The following CUL9 variants were observed in gnomAD, a reference collection of about 807,000 sequenced individuals.
The protein encoded by CUL9 is cullin 9, also known as cullin-9.
Under a neutral mutation model 272.6 loss-of-function variants are expected in CUL9, and 79 were observed. The observed-to-expected ratio is 0.29, with a 90% CI of 0.24 to 0.35. The LOEUF (loss-of-function observed/expected upper bound fraction) is 0.35, where lower values mean the gene tolerates loss of function less well. CUL9 is among the 10% of genes least tolerant of loss of function. The pLI is 1.00. For missense variants in CUL9, 2,532 were observed against 3,255.6 expected, an observed-to-expected ratio of 0.78 and a Z score of 5.41; for synonymous variants, 1,186 against 1,286.5, an observed-to-expected ratio of 0.92 and a Z score of 1.67.
chr6:43,184,988 T>A lies in CUL9; in HGVS notation c.595+83T>A. On this transcript the variant is annotated intron_variant, in intron 2 of 40. Transcript: ENST00000252050. This position sits in a 1 kb window ranked among gnomAD's most constrained non-coding sequence, Gnocchi z 4.8. ...AGAAAGAGGAGAGATTTCCTAGCTCTGTAAGAACACCTAGTATTTGGTGAA... is the reference window on the plus strand; with the variant it reads ...AGAAAGAGGAGAGATTTCCTAGCTCAGTAAGAACACCTAGTATTTGGTGAA... The A allele has an allele frequency of 9.7e-7, 1 of 1,028,552 alleles. No individual in the cohort carries two copies. The highest frequency in any genetic ancestry group is 1.4e-6 in the Non-Finnish European group (1 of 720,700). The allele number at this position is 1,028,552 out of a possible 1,614,324, so 63.7% of individuals were successfully genotyped here. A position where few individuals can be genotyped will look rare whatever the true frequency, so the allele number is the denominator to read the frequency against.
At chr6:43,196,534 G>T (rs1774009526) in intron 10 of CUL9, 111 bp from the exon 11 acceptor site, 2 of 1,009,246 alleles carry the variant, frequency 2.0e-6, no homozygotes, top group African/African-American at 1.6e-5. Context: ...TGGCTCAGAG[G>T]GCCCACTGGA....
At chr6:43,222,150 T>C in intron 35 of CUL9, 166 bp from the exon 36 acceptor site, 1 of 659,248 alleles carries the variant, frequency 1.5e-6, no homozygotes, top group Admixed American at 2.6e-5. Context: ...CAACAGCCTC[T>C]GCAAAAGGGG....
intron 31 of CUL9, among the ~76,000 whole-genome samples, chr6:43,219,167 T>C (rs1442186168): frequency 6.6e-6 from 1 of 151,546 alleles, no homozygotes; most frequent in Non-Finnish European, 1.5e-5. Context: ...CCAGTGTGGG[T>C]GACAAAGCGA....
chr6:43,205,094 G>A lies in CUL9; in HGVS notation c.4611G>A (p.Gln1537=). The change falls in exon 23 of 41, where the codon CAG becomes CAA. Residue 1537 remains glutamine (Q), a synonymous_variant. Coordinates refer to ENST00000252050, the MANE Select transcript of CUL9 (RefSeq NM_015089.4). ...RSGFSGALLQ[Q]SFLTAAHMSE... ...GCTTCTCTGGCGCCTTGCTGCAGCAGTCCTTCCTCACTGCTGCTCACGTGA... is the reference window on the plus strand; with the variant it reads ...GCTTCTCTGGCGCCTTGCTGCAGCAATCCTTCCTCACTGCTGCTCACGTGA... The A allele has an allele frequency of 6.3e-7, 1 of 1,596,396 alleles. No individual in the cohort carries two copies. Among genetic ancestry groups the A allele is most frequent in the South Asian group, 1.1e-5 (1 of 89,144 alleles).
chr6:43,187,619 G>C (rs1308846302), intron 6 of CUL9, 94 bp from the exon 7 acceptor site: 4 of 1,421,060 alleles, frequency 2.8e-6, no homozygotes, highest in Non-Finnish European at 3.9e-6. Flanking sequence ...TAGAAGGTGT[G>C]GGGGCATGGT....
rs1001487953 is a variant in CUL9 at position 43,223,408 on chromosome 6, G to A, written c.7284+11G>A. On this transcript the variant is annotated intron_variant, in intron 39 of 40. Transcript: ENST00000252050. This position sits in a 1 kb window ranked among gnomAD's most constrained non-coding sequence, Gnocchi z 4.1. ...CAGCATTCTGCCCAGGTACTGCCCG[G>A]CCCAGACCCCTTCTGCTCCTGCATT... 7 of 1,585,242 alleles carry A rather than the reference G, an allele frequency of 4.4e-6. No homozygotes were observed. Among genetic ancestry groups the A allele is most frequent in the African/African-American group, 1.3e-5 (1 of 74,620 alleles).
chr6:43,187,866 C>G lies in CUL9; in HGVS notation c.1735C>G (p.Pro579Ala). ...CAAGTATGGGCTGCTGTCTAATGAA[C>G]CAAGCAGCTCGTCTACTTCACGAAA... ...YTKYGLLSNE[P>A]SSSSTSRNHS... is the part of the protein sequence containing the mutation. Residue 579 changes from proline to alanine, a missense_variant, in exon 7 of 41, where the codon CCA (proline) becomes GCA (alanine). Around this residue, in one of 3 missense-constraint regions of CUL9, gnomAD observed 2,218 missense variants for 2,788.6 expected, o/e 0.80. Coordinates refer to ENST00000252050, the MANE Select transcript of CUL9 (RefSeq NM_015089.4). The G allele has an allele frequency of 6.2e-7, 1 of 1,614,006 alleles. No homozygotes were observed. The highest frequency in any genetic ancestry group is 8.5e-7 in the Non-Finnish European group (1 of 1,179,994).
Position 43,184,374 on chromosome 6 carries a change from C to A in CUL9, c.64C>A (p.Pro22Thr). ...CTTAGGGCCTCGGCTGCAGGCATATCCTGAAGAACTCATTCGACAGAGGCC... is the reference window on the plus strand; with the variant it reads ...CTTAGGGCCTCGGCTGCAGGCATATACTGAAGAACTCATTCGACAGAGGCC... ...VPLGPRLQAY[P>T]EELIRQRPGH... Residue 22 changes from proline (P) to threonine (T), a missense_variant, in exon 2 of 41, where the codon CCT becomes ACT. Coordinates refer to ENST00000252050, the MANE Select transcript of CUL9 (RefSeq NM_015089.4). The surrounding 1 kb of genome is among the most constrained non-coding windows in gnomAD (Gnocchi z 4.8). 1 of 1,607,390 alleles carries A rather than the reference C, an allele frequency of 6.2e-7. No individual in the cohort carries two copies. Among genetic ancestry groups the A allele is most frequent in the Non-Finnish European group, 8.5e-7 (1 of 1,175,726 alleles).
intron 31 of CUL9, among the ~76,000 whole-genome samples, chr6:43,219,116 G>A (rs1336280124): frequency 6.6e-6 from 1 of 152,164 alleles, no homozygotes; most frequent in Non-Finnish European, 1.5e-5. Flanking sequence ...TTGAGTCCAG[G>A]AGATTGAGGC....
intron 30 of CUL9, 114 bp from the exon 31 acceptor site, chr6:43,216,043 CT>C: frequency 1.0e-6 from 1 of 987,300 alleles, no homozygotes; most frequent in Non-Finnish European, 1.5e-6. Context: ...CCTGAGGCTG[CT>C]TAGGCAAGCG....
intron 26 of CUL9, among the ~76,000 whole-genome samples, chr6:43,207,372 A>G (rs910547851): frequency 5.9e-5 from 9 of 152,162 alleles, no homozygotes; most frequent in Non-Finnish European, 1.0e-4. Flanking sequence ...TTTGAACATC[A>G]TATAAATGGA....
At chr6:43,209,615 G>A (rs76383287) in intron 26 of CUL9, among the ~76,000 whole-genome samples, 15,160 of 152,072 alleles carry the variant, frequency 0.1, 758 homozygotes, top group Admixed American at 0.11. Context: ...TTATGACATT[G>A]AGATTTCTGG....
At position 43,216,150 on chromosome 6, in the gene CUL9, C is replaced by T; in HGVS notation, c.5937-8C>T. ...AATACTGACTTCTGTCTCTTCCCTC[C>T]CCACAAGCCCAGAAGCTGTGGCTAC... On this transcript the variant is annotated splice_region_variant and splice_polypyrimidine_tract_variant and intron_variant, in intron 30 of 40. Coordinates refer to ENST00000252050, the MANE Select transcript of CUL9 (RefSeq NM_015089.4). The T allele has an allele frequency of 6.3e-7, 1 of 1,597,210 alleles. No individual in the cohort carries two copies. The highest frequency in any genetic ancestry group is 1.1e-5 in the South Asian group (1 of 90,400).
Position 43,215,302 on chromosome 6 carries a change from G to T in CUL9, c.5912G>T (p.Ser1971Ile). ...RGQADVPFCG[S>I]QSETSKPSPE... Reference sequence around the variant, plus strand: ...CAGGCAGATGTCCCTTTCTGTGGCAGCCAGAGCGAAACCTCCAAGCCCAGG... The same window carrying T: ...CAGGCAGATGTCCCTTTCTGTGGCATCCAGAGCGAAACCTCCAAGCCCAGG... The change falls in exon 30 of 41, where the codon AGC (serine) becomes ATC (isoleucine). Residue 1971 changes from serine (S) to isoleucine (I), a missense_variant. Transcript: ENST00000252050. 2 of 1,612,026 alleles carry T rather than the reference G, an allele frequency of 1.2e-6. No individual in the cohort carries two copies. The highest frequency in any genetic ancestry group is 8.5e-7 in the Non-Finnish European group (1 of 1,179,420).
At position 43,200,150 on chromosome 6, in the gene CUL9, C is replaced by T. The variant is rs765594729; in HGVS notation, c.3378C>T (p.Cys1126=). The change falls in exon 14 of 41, where the codon TGC becomes TGT. Residue 1126 remains cysteine, a synonymous_variant. Transcript: ENST00000252050. The surrounding 1 kb of genome is among the most constrained non-coding windows in gnomAD (Gnocchi z 4.0). ...TCACCTCCAGCATCCTGGCCGGCTG[C>T]ATTCAGGTGAGGAGCGGCTGTGGGT... ...SNLTSSILAG[C]IQMVLGQIED... is the part of the protein sequence containing the mutation. 8 of 1,613,808 alleles carry T rather than the reference C, an allele frequency of 5.0e-6. No homozygotes were observed. The East Asian group carries it at 1.8e-4, about 36-fold the overall frequency.
At position 43,203,106 on chromosome 6, in the gene CUL9, C is replaced by A; in HGVS notation, c.3754-3C>A. 6.2e-7 allele frequency: 1 copy of A among 1,613,090 alleles called. No homozygotes were observed. Among genetic ancestry groups the A allele is most frequent in the Non-Finnish European group, 8.5e-7 (1 of 1,179,980 alleles). On this transcript the variant is annotated splice_region_variant and splice_polypyrimidine_tract_variant and intron_variant, in intron 17 of 40. Coordinates refer to ENST00000252050, the MANE Select transcript of CUL9 (RefSeq NM_015089.4). The surrounding 1 kb of genome is among the most constrained non-coding windows in gnomAD (Gnocchi z 5.0). ...CTCTCCCTCTTCTCCCCTGCCCTAC[C>A]AGGTGAATGTGATGCCCTCTGCCAG...
intron 26 of CUL9, among the ~76,000 whole-genome samples, chr6:43,209,867 C>T (rs1269743329): frequency 6.6e-6 from 1 of 152,102 alleles, no homozygotes; most frequent in Non-Finnish European, 1.5e-5. Context: ...AGGCTGTTCT[C>T]AAACTCCTGA....
chr6:43,223,377 A>G lies in CUL9; in HGVS notation c.7264A>G (p.Ile2422Val). 1.3e-6 allele frequency: 2 copies of G among 1,599,894 alleles called. No individual in the cohort carries two copies. Among genetic ancestry groups the G allele is most frequent in the Non-Finnish European group, 1.7e-6 (2 of 1,173,024 alleles). ...LRRIQERLLA[I>V]LQHSAQDFRV... is the part of the protein sequence containing the mutation. Reference sequence around the variant, plus strand: ...GCGGATCCAGGAGAGGCTGCTTGCCATCCTGCAGCATTCTGCCCAGGTACT... The same window carrying G: ...GCGGATCCAGGAGAGGCTGCTTGCCGTCCTGCAGCATTCTGCCCAGGTACT... The change falls in exon 39 of 41, where the codon ATC (isoleucine) becomes GTC (valine). Residue 2422 changes from isoleucine to valine, a missense_variant. By Grantham distance (29) the Ile-to-Val change is conservative. Transcript: ENST00000252050. This position sits in a 1 kb window ranked among gnomAD's most constrained non-coding sequence, Gnocchi z 4.1.
At chr6:43,187,134 CAG>C in intron 5 of CUL9, 39 bp downstream of exon 5, 1 of 1,611,132 alleles carries the variant, frequency 6.2e-7, no homozygotes, top group South Asian at 1.1e-5. Context: ...TGTCTCTGAA[CAG>C]AGGATTAGTG....
Sources: gnomAD v4.1 joint callset for allele counts (sites outside exome capture counted in the v4.1 genomes callset) on GRCh38, gnomAD v4.1.1 for gene constraint, gnomAD v4.1.1 regional missense constraint, Gnocchi (gnomAD v3.1) non-coding constraint, MANE v1.5 for transcripts, NCBI Gene and HGNC (gene_info 2026-07-23, HGNC 2026-07-21) for gene names.